The following SCRN1 variants were observed in gnomAD, a reference collection of about 807,000 sequenced individuals.
SCRN1 encodes the protein secernin 1.
In SCRN1, 19 loss-of-function variants were observed where a neutral mutation model predicts 43.3. The observed-to-expected ratio is 0.44, with a 90% CI of 0.31 to 0.64. The LOEUF (loss-of-function observed/expected upper bound fraction) is 0.64, where lower values mean the gene tolerates loss of function less well. Among genes scored for constraint, SCRN1 ranks in the 30% least tolerant of loss-of-function variants. The pLI, the probability that SCRN1 is intolerant of heterozygous loss-of-function variation, is 0.09. For synonymous variants in SCRN1, 183 were observed against 188.9 expected (o/e 0.97, Z 0.26); for missense variants, 447 against 524.1 (o/e 0.85, Z 1.44).
intron 2 of SCRN1, among the ~76,000 whole-genome samples, chr7:29,960,896 T>A (rs1191841641): frequency 6.6e-6 from 1 of 152,046 alleles, no homozygotes; most frequent in Admixed American, 6.5e-5. Flanking sequence ...TATTTATCCA[T>A]CCTACTCTGC....
chr7:29,966,091 C>CGA (rs769776215), intron 2 of SCRN1, among the ~76,000 whole-genome samples: 3 of 127,310 alleles, frequency 2.4e-5, no homozygotes, highest in Non-Finnish European at 3.3e-5. Flanking sequence ...GACAGAGGAA[C>CGA]GAGAGAGAGA....
intron 1 of SCRN1, among the ~76,000 whole-genome samples, chr7:29,978,671 T>A (rs1202282334): frequency 2.0e-5 from 3 of 152,044 alleles, no homozygotes; most frequent in Admixed American, 1.3e-4. Context: ...AAATATTTTT[T>A]AAAAAAAGAA....
intron 1 of SCRN1, among the ~76,000 whole-genome samples, chr7:29,971,810 T>C (rs1330259249): frequency 6.6e-6 from 1 of 152,200 alleles, no homozygotes; most frequent in Non-Finnish European, 1.5e-5. Flanking sequence ...TGGGACTGTA[T>C]TGCTATTTCT....
intron 1 of SCRN1, among the ~76,000 whole-genome samples, chr7:29,978,915 T>TA (rs796621020): frequency 1.2e-4 from 18 of 152,350 alleles, no homozygotes; most frequent in African/African-American, 4.3e-4. Context: ...GGCAGATTAG[T>TA]AACTAGGGAA....
intron 1 of SCRN1, among the ~76,000 whole-genome samples, chr7:29,972,909 T>G (rs1788709031): frequency 6.6e-6 from 1 of 152,230 alleles, no homozygotes; most frequent in South Asian, 2.1e-4. Flanking sequence ...AAAACGTAAA[T>G]TAATTTTCAT....
rs114805130 is a variant in SCRN1 at position 29,948,653 on chromosome 7, C to G, written c.342-4474G>C. Among the ~76,000 whole-genome samples, 520 of 152,186 alleles carry G rather than the reference C, an allele frequency of 3.4e-3. 5 individuals carry two copies. The highest frequency in any genetic ancestry group is 0.012 in the African/African-American group (497 of 41,504). Reference sequence around the variant, plus strand: ...GTGCCATTGTTAAACACAAATGGGACTAGCAAAAGTCAGCATGCAGGAAAA... The same window carrying G: ...GTGCCATTGTTAAACACAAATGGGAGTAGCAAAAGTCAGCATGCAGGAAAA... On this transcript the variant is annotated intron_variant, in intron 3 of 7. Coordinates refer to ENST00000242059, the MANE Select transcript of SCRN1 (RefSeq NM_014766.5).
intron 2 of SCRN1, among the ~76,000 whole-genome samples, chr7:29,968,390 C>G (rs1426030845): frequency 6.6e-6 from 1 of 151,080 alleles, no homozygotes; most frequent in Non-Finnish European, 1.5e-5. Context: ...CCTGAGAAAG[C>G]TGATTGAAGA....
chr7:29,989,404 C>A (rs540314601), intron 1 of SCRN1, among the ~76,000 whole-genome samples: 1 of 152,194 alleles, frequency 6.6e-6, no homozygotes, highest in Admixed American at 6.5e-5. Flanking sequence ...CTCCACTGCA[C>A]CCCCGCAGTC....
intron 6 of SCRN1, among the ~76,000 whole-genome samples, chr7:29,934,442 G>A (rs1470004918): frequency 6.6e-6 from 1 of 152,154 alleles, no homozygotes; most frequent in Non-Finnish European, 1.5e-5. Flanking sequence ...CTTTGGAAGG[G>A]TCCTGTTCCC....
intron 2 of SCRN1, among the ~76,000 whole-genome samples, chr7:29,961,310 G>A (rs1380405553): frequency 7.3e-6 from 1 of 136,344 alleles, no homozygotes; most frequent in African/African-American, 2.8e-5. Flanking sequence ...GTTTAACAAA[G>A]CACATCTTGC....
At chr7:29,946,148 G>T (rs759720922) in intron 3 of SCRN1, among the ~76,000 whole-genome samples, 5 of 152,232 alleles carry the variant, frequency 3.3e-5, no homozygotes, top group Admixed American at 6.5e-5. Context: ...TTACAAGGCA[G>T]TGATTTACAA....
chr7:29,962,758 G>A (rs1562817195), intron 2 of SCRN1, among the ~76,000 whole-genome samples: 1 of 151,988 alleles, frequency 6.6e-6, no homozygotes, highest in Non-Finnish European at 1.5e-5. Flanking sequence ...GGAATAGATG[G>A]GTTTTTATGA....
At chr7:29,926,318 T>C (rs75117198) in intron 7 of SCRN1, 134 bp downstream of exon 7, 43,492 of 905,786 alleles carry the variant, frequency 0.048, 1,332 homozygotes, top group African/African-American at 0.098. Context: ...AGGAACCTGG[T>C]CTCTGGGAGA....
intron 3 of SCRN1, chr7:29,947,332 G>A (rs1038017609): frequency 6.4e-7 from 1 of 1,550,622 alleles, no homozygotes; most frequent in South Asian, 1.2e-5. Flanking sequence ...CACTGAGAAA[G>A]ATGGGTCACA....
chr7:29,955,222 G>T lies in SCRN1; in HGVS notation c.298C>A (p.Pro100Thr). The part of the protein sequence containing the change: ...IANEAINTRE[P>T]AAEIEALLGM... ...AGCAAGGCTTCTATCTCGGCAGCTG[G>T]CTCTCTGGTGTTGATGGCTTCATTG... Residue 100 changes from proline (P) to threonine (T), a missense_variant, in exon 3 of 8, where the codon CCA becomes ACA. Pro to Thr is a conservative substitution (Grantham distance 38). Transcript: ENST00000242059. 6.2e-7 allele frequency: 1 copy of T among 1,614,088 alleles called. No homozygotes were observed. Among genetic ancestry groups the T allele is most frequent in the Non-Finnish European group, 8.5e-7 (1 of 1,179,998 alleles).
chr7:29,989,386 C>T (rs1186080024), intron 1 of SCRN1, among the ~76,000 whole-genome samples: 2 of 152,092 alleles, frequency 1.3e-5, no homozygotes, highest in African/African-American at 4.8e-5. Context: ...AGCCCGGGGC[C>T]GGCATCCCTC....
chr7:29,940,650 G>C (rs772015371), intron 5 of SCRN1, 32 bp downstream of exon 5: 1 of 1,558,116 alleles, frequency 6.4e-7, no homozygotes, highest in Non-Finnish European at 8.6e-7. Context: ...AAGGGTATGA[G>C]AAGGAGAATC....
At chr7:29,959,717 G>A (rs1562815654) in intron 2 of SCRN1, among the ~76,000 whole-genome samples, 1 of 152,270 alleles carries the variant, frequency 6.6e-6, no homozygotes, top group Non-Finnish European at 1.5e-5. Flanking sequence ...CCACACTTTA[G>A]AAGAACTGTT....
In SCRN1 at chr7:29,922,908, C is replaced by T. The variant is rs17158483; in HGVS notation, c.*1049G>A. 9,002 of 152,244 alleles carry T rather than the reference C, an allele frequency of 0.059. 423 individuals are homozygous for T. The highest frequency in any genetic ancestry group is 0.14 in the Admixed American group (2,197 of 15,298). The allele number at this position is 152,244 out of a possible 1,614,324, so 9.4% of individuals were successfully genotyped here. A position where few individuals can be genotyped will look rare whatever the true frequency, so the allele number is the denominator to read the frequency against. ...GTAAGTCAAATCCTTTAAGTGAACC[C>T]GACATTGGAAACAAATCAGTTTAAT... On this transcript the variant is annotated 3_prime_UTR_variant, in exon 8 of 8. Coordinates refer to ENST00000242059, the MANE Select transcript of SCRN1 (RefSeq NM_014766.5).
Sources: gnomAD v4.1 joint callset for allele counts (sites outside exome capture counted in the v4.1 genomes callset) on GRCh38, gnomAD v4.1.1 for gene constraint, MANE v1.5 for transcripts, NCBI Gene and HGNC (gene_info 2026-07-23, HGNC 2026-07-21) for gene names.